Variants in TMPRSS15 observed in about 807,000 individuals in gnomAD.
The protein encoded by TMPRSS15 is enteropeptidase.
TMPRSS15 carries 128 observed loss-of-function variants against 125.3 expected under a neutral mutation model. The ratio of observed to expected loss-of-function variants is 1.02; its 90% CI spans 0.89 to 1.18. The LOEUF is 1.18. Ranked by LOEUF, TMPRSS15 falls within the 50% of genes most tolerant of loss-of-function variation. The probability of loss-of-function intolerance (pLI) is 0.00; values close to 1 mark genes in which losing one functional copy is unlikely to be tolerated. For missense variants in TMPRSS15, 1,283 were observed against 1,212.7 expected, an observed-to-expected ratio of 1.06 and a Z score of -0.86; for synonymous variants, 446 against 423.2, an observed-to-expected ratio of 1.05 and a Z score of -0.66.
intron 9 of TMPRSS15, 101 bp downstream of exon 9, chr21:18,353,621 TA>T: frequency 9.2e-7 from 1 of 1,085,420 alleles, no homozygotes; most frequent in Non-Finnish European, 1.4e-6. Context: ...ATACTCATTA[TA>T]AAATTACATC....
chr21:18,421,977 T>C (rs908417306), intron 1 of TMPRSS15, among the ~76,000 whole-genome samples: 2 of 150,250 alleles, frequency 1.3e-5, no homozygotes, highest in Middle Eastern at 3.2e-3. Flanking sequence ...TGAAAGCAAG[T>C]ATTACTCTTT....
At chr21:18,306,430 T>A (rs1458346294) in intron 18 of TMPRSS15, among the ~76,000 whole-genome samples, 1 of 152,184 alleles carries the variant, frequency 6.6e-6, no homozygotes, top group Non-Finnish European at 1.5e-5. Flanking sequence ...TCCCCCAGTA[T>A]TTTCAAAACA....
At chr21:18,393,137 AGT>A (rs989243110) in intron 3 of TMPRSS15, among the ~76,000 whole-genome samples, 5 of 152,232 alleles carry the variant, frequency 3.3e-5, no homozygotes, top group African/African-American at 1.2e-4. Flanking sequence ...AGAAGGCCAG[AGT>A]GTGTTTTGGT....
intron 22 of TMPRSS15, among the ~76,000 whole-genome samples, chr21:18,280,581 A>AAAAAACAAAAC (rs1555890648): frequency 6.8e-6 from 1 of 147,016 alleles, no homozygotes; most frequent in African/African-American, 2.7e-5. Context: ...GTCTCAAAAA[A>AAAAAACAAAAC]AAAAAAAAAA....
At chr21:18,322,738 G>A (rs1196713026) in intron 16 of TMPRSS15, among the ~76,000 whole-genome samples, 1 of 152,038 alleles carries the variant, frequency 6.6e-6, no homozygotes, top group Non-Finnish European at 1.5e-5. Context: ...TAGTGGGGAG[G>A]GAGGATAAAG....
At chr21:18,296,528 G>A (rs905405174) in intron 19 of TMPRSS15, among the ~76,000 whole-genome samples, 3 of 152,148 alleles carry the variant, frequency 2.0e-5, no homozygotes, top group East Asian at 1.9e-4. Context: ...TAATAGTGAC[G>A]TCAATGGAAA....
intron 1 of TMPRSS15, among the ~76,000 whole-genome samples, chr21:18,465,034 C>A (rs1978630618): frequency 6.6e-6 from 1 of 152,144 alleles, no homozygotes; most frequent in Non-Finnish European, 1.5e-5. Context: ...AAAACGAATA[C>A]AGCAGCACAT....
chr21:18,345,613 C>T lies in TMPRSS15; in HGVS notation c.1172-1553G>A, dbSNP rs894004205. ...AAAATTAGCTGGGCGTGGTGGCGGGCGCCTGTAGTCCCAGCTACTCGGGAC... is the reference window on the plus strand; with the variant it reads ...AAAATTAGCTGGGCGTGGTGGCGGGTGCCTGTAGTCCCAGCTACTCGGGAC... On this transcript the variant is annotated intron_variant, in intron 10 of 24. Transcript: ENST00000284885. Among the ~76,000 whole-genome samples, 31 of 146,954 alleles carry T rather than the reference C, an allele frequency of 2.1e-4. 2 individuals carry two copies. The highest frequency in any genetic ancestry group is 4.8e-4 in the Admixed American group (7 of 14,538).
intron 1 of TMPRSS15, among the ~76,000 whole-genome samples, chr21:18,451,692 T>C (rs777761355): frequency 6.6e-5 from 10 of 152,156 alleles, no homozygotes; most frequent in Non-Finnish European, 1.3e-4. Flanking sequence ...AGCTAACATG[T>C]TTCACTTGTT....
chr21:18,269,787 T>C lies in TMPRSS15; in HGVS notation c.*182A>G, dbSNP rs1445986177. 6 of 614,932 alleles carry C rather than the reference T, an allele frequency of 9.8e-6. No homozygotes were observed. Among genetic ancestry groups the C allele is most frequent in the Admixed American group, 5.9e-5 (2 of 34,112 alleles). The allele number at this position is 614,932 out of a possible 1,614,324, so 38.1% of individuals were successfully genotyped here. The stretch of plus-strand genomic sequence containing the variant: ...GTATTTTAAAGTTATTCTGTATTGC[T>C]ATGGTGAATTTTATTATTTTTAAAA... On this transcript the variant is annotated 3_prime_UTR_variant, in exon 25 of 25. Transcript: ENST00000284885.
chr21:18,430,747 A>G (rs2076215076), intron 1 of TMPRSS15, among the ~76,000 whole-genome samples: 1 of 152,176 alleles, frequency 6.6e-6, no homozygotes, highest in South Asian at 2.1e-4. Flanking sequence ...CACAGGGAAA[A>G]CAAGGAGAGG....
intron 4 of TMPRSS15, chr21:18,380,560 A>C (rs1656161557): frequency 2.1e-6 from 1 of 470,750 alleles, no homozygotes; most frequent in African/African-American, 2.0e-5. Context: ...TGCAGGGCTT[A>C]CTGTAGAAAA....
chr21:18,484,374 G>T (rs1979038780), intron 1 of TMPRSS15, among the ~76,000 whole-genome samples: 1 of 151,772 alleles, frequency 6.6e-6, no homozygotes, highest in African/African-American at 2.4e-5. Flanking sequence ...AACATAAAAA[G>T]TTTAAGCAAT....
intron 1 of TMPRSS15, among the ~76,000 whole-genome samples, chr21:18,473,558 T>C (rs972533242): frequency 6.6e-6 from 1 of 152,130 alleles, no homozygotes; most frequent in African/African-American, 2.4e-5. Context: ...CCATTATAAG[T>C]TGATGTGTGT....
At chr21:18,379,345 T>C in intron 4 of TMPRSS15, 27 bp from the exon 5 acceptor site, 2 of 1,118,182 alleles carry the variant, frequency 1.8e-6, no homozygotes, top group South Asian at 5.2e-5. Flanking sequence ...ATTAAAATAA[T>C]TATTACCTAT....
At chr21:18,372,089 G>A in intron 6 of TMPRSS15, 104 bp downstream of exon 6, 1 of 821,326 alleles carries the variant, frequency 1.2e-6, no homozygotes, top group African/African-American at 1.9e-5. Context: ...TCAGGTATTT[G>A]AGATTAGAAT....
At chr21:18,408,280 T>C (rs929915106), upstream of TMPRSS15, among the ~76,000 whole-genome samples, 6 of 152,212 alleles carry the variant, frequency 3.9e-5, no homozygotes, top group African/African-American at 1.4e-4. Flanking sequence ...TGAACACTTC[T>C]GTGAAATTTC....
At chr21:18,277,240 T>C (rs993790886) in intron 23 of TMPRSS15, among the ~76,000 whole-genome samples, 2 of 152,178 alleles carry the variant, frequency 1.3e-5, no homozygotes, top group African/African-American at 4.8e-5. Flanking sequence ...TCTTAGAGAC[T>C]TTCTTAAGTT....
At chr21:18,476,931 G>C (rs1978889904) in intron 1 of TMPRSS15, among the ~76,000 whole-genome samples, 1 of 151,310 alleles carries the variant, frequency 6.6e-6, no homozygotes, top group Non-Finnish European at 1.5e-5. Context: ...CAATAAGGCT[G>C]TGCTAACTCC....
Sources: gnomAD v4.1 joint callset for allele counts (sites outside exome capture counted in the v4.1 genomes callset) on GRCh38, gnomAD v4.1.1 for gene constraint, MANE v1.5 for transcripts, NCBI Gene and HGNC (gene_info 2026-07-23, HGNC 2026-07-21) for gene names.